Variants in ADAM17 observed in about 807,000 individuals in gnomAD.
ADAM17 encodes ADAM metallopeptidase domain 17, also known as disintegrin and metalloproteinase domain-containing protein 17.
In ADAM17, 39 loss-of-function variants were observed where a neutral mutation model predicts 96.7. The observed-to-expected ratio is 0.40, with a 90% CI of 0.31 to 0.53. The LOEUF (loss-of-function observed/expected upper bound fraction) is 0.53. Among genes scored for constraint, ADAM17 ranks in the 20% least tolerant of loss-of-function variants. The pLI is 0.44. For missense variants in ADAM17, 777 were observed against 1,013.2 expected, an observed-to-expected ratio of 0.77 and a Z score of 3.17; for synonymous variants, 344 against 359.2, an observed-to-expected ratio of 0.96 and a Z score of 0.48.
At chr2:9,525,756 A>G (rs1203019164) in intron 6 of ADAM17, among the ~76,000 whole-genome samples, 1 of 152,214 alleles carries the variant, frequency 6.6e-6, no homozygotes, top group African/African-American at 2.4e-5. Context: ...ACATGGGTTC[A>G]TGCAAATACA....
chr2:9,497,867 G>A (rs1001160469), intron 13 of ADAM17, among the ~76,000 whole-genome samples: 4 of 151,814 alleles, frequency 2.6e-5, no homozygotes, highest in South Asian at 2.1e-4. Context: ...CTCCTTCATT[G>A]CATATGTTTT....
Position 9,517,952 on chromosome 2 carries a change from C to G in ADAM17, c.1140G>C (p.Leu380Phe). 6.2e-7 allele frequency: 1 copy of G among 1,604,244 alleles called. No homozygotes were observed. Among genetic ancestry groups the G allele is most frequent in the Non-Finnish European group, 8.5e-7 (1 of 1,176,752 alleles). ...TCTTTGTGCTCGTCAAACCACTATTCAAATAGATATTTTTCTTCCCAACTG... is the reference window on the plus strand; with the variant it reads ...TCTTTGTGCTCGTCAAACCACTATTGAAATAGATATTTTTCTTCCCAACTG... ...YSPVGKKNIY[L>F]NSGLTSTKNY... is the part of the protein sequence containing the mutation. Residue 380 changes from leucine (L) to phenylalanine (F), a missense_variant, in exon 10 of 19, where the codon TTG (leucine) becomes TTC (phenylalanine). This residue lies in a region of ADAM17 where 446 missense variants were observed against 664.7 expected (regional missense o/e 0.67). Coordinates refer to ENST00000310823, the MANE Select transcript of ADAM17 (RefSeq NM_003183.6).
chr2:9,544,545 G>C (rs561777047), intron 1 of ADAM17, among the ~76,000 whole-genome samples: 47 of 141,492 alleles, frequency 3.3e-4, no homozygotes, highest in African/African-American at 1.3e-3. Flanking sequence ...AAAAAAGGCC[G>C]GGCTGGGCAC....
intron 11 of ADAM17, chr2:9,506,906 T>C (rs1416286451): frequency 6.6e-6 from 1 of 152,224 alleles, no homozygotes; most frequent in African/African-American, 2.4e-5. Context: ...CCCGCAACTC[T>C]GGCTTTCTGC....
chr2:9,545,442 C>T (rs550615038), intron 1 of ADAM17, among the ~76,000 whole-genome samples: 5 of 152,204 alleles, frequency 3.3e-5, no homozygotes, highest in South Asian at 2.1e-4. Context: ...TGGCAGCAGA[C>T]GCCTATAATC....
intron 1 of ADAM17, among the ~76,000 whole-genome samples, chr2:9,553,985 C>G (rs953563332): frequency 3.3e-5 from 5 of 151,514 alleles, no homozygotes; most frequent in Admixed American, 6.6e-5. Flanking sequence ...CTGCTTGAAC[C>G]CCGGGAGGCG....
intron 18 of ADAM17, 30 bp downstream of exon 18, chr2:9,491,071 G>A: frequency 6.2e-7 from 1 of 1,602,390 alleles, no homozygotes; most frequent in Non-Finnish European, 8.5e-7. Context: ...ACCAGGCGAA[G>A]ATTATGTTTC....
chr2:9,551,079 A>T (rs1665577811), intron 1 of ADAM17, among the ~76,000 whole-genome samples: 1 of 151,980 alleles, frequency 6.6e-6, no homozygotes, highest in Non-Finnish European at 1.5e-5. Flanking sequence ...TCTCAAAAAA[A>T]AAAAAAAGGT....
At chr2:9,513,274 G>A (rs1171983079) in intron 10 of ADAM17, among the ~76,000 whole-genome samples, 5 of 152,174 alleles carry the variant, frequency 3.3e-5, no homozygotes, top group African/African-American at 9.7e-5. Flanking sequence ...GATTACAGGC[G>A]TGAGCCACCG....
At chr2:9,535,322 T>C (rs567614902) in intron 4 of ADAM17, among the ~76,000 whole-genome samples, 1 of 152,346 alleles carries the variant, frequency 6.6e-6, no homozygotes, top group Admixed American at 6.5e-5. Context: ...ATCTGACAGA[T>C]AGATATGTGT....
intron 1 of ADAM17, among the ~76,000 whole-genome samples, chr2:9,549,678 T>C (rs1037209931): frequency 6.6e-6 from 1 of 152,040 alleles, no homozygotes; most frequent in Non-Finnish European, 1.5e-5. Flanking sequence ...CGCACCTGGC[T>C]AATTTTTGTT....
At position 9,555,489 on chromosome 2, in the gene ADAM17, C is replaced by CG; in HGVS notation, c.97+19_97+20insC. The CG allele has an allele frequency of 1.9e-6, 3 of 1,561,712 alleles. No homozygotes were observed. Among genetic ancestry groups the CG allele is most frequent in the Non-Finnish European group, 2.6e-6 (3 of 1,153,270 alleles). ...GAGCGCTCCAGGCGCCGGCCTAAGC[C>CG]AACTCCCCTGGGTCTTTACCGAGTC... On this transcript the variant is annotated intron_variant, in intron 1 of 18. Transcript: ENST00000310823.
At chr2:9,499,651 C>A (rs998695428) in intron 13 of ADAM17, among the ~76,000 whole-genome samples, 5 of 152,118 alleles carry the variant, frequency 3.3e-5, no homozygotes, top group Non-Finnish European at 7.4e-5. Context: ...ATCTGCCCAC[C>A]TCGGCCTCCC....
intron 8 of ADAM17, among the ~76,000 whole-genome samples, chr2:9,518,864 C>T (rs1187461329): frequency 6.7e-6 from 1 of 148,994 alleles, no homozygotes; most frequent in African/African-American, 2.5e-5. Flanking sequence ...CCATAACCGT[C>T]CAGCGTCTCC....
intron 12 of ADAM17, among the ~76,000 whole-genome samples, chr2:9,504,661 C>CT (rs1256085766): frequency 6.7e-6 from 1 of 149,036 alleles, no homozygotes; most frequent in Non-Finnish European, 1.5e-5. Context: ...ACTCAGGAGG[C>CT]TAAGGCAGGG....
At chr2:9,493,886 T>A in intron 15 of ADAM17, 61 bp from the exon 16 acceptor site, 1 of 1,421,278 alleles carries the variant, frequency 7.0e-7, no homozygotes, top group Non-Finnish European at 9.8e-7. Flanking sequence ...AGAAGCAATG[T>A]AGCTTTATAA....
chr2:9,514,201 C>G (rs1304046438), intron 10 of ADAM17, among the ~76,000 whole-genome samples: 1 of 151,582 alleles, frequency 6.6e-6, no homozygotes, highest in Non-Finnish European at 1.5e-5. Context: ...AGTTCATGTC[C>G]TTCGTAGGGA....
At chr2:9,495,483 C>A (rs1339511773) in intron 14 of ADAM17, among the ~76,000 whole-genome samples, 1 of 152,114 alleles carries the variant, frequency 6.6e-6, no homozygotes, top group Non-Finnish European at 1.5e-5. Context: ...GAGGCCAAGG[C>A]GGACAGATCA....
chr2:9,550,439 C>CTTTT (rs35602755), intron 1 of ADAM17, among the ~76,000 whole-genome samples: 159 of 74,136 alleles, frequency 2.1e-3, no homozygotes, highest in East Asian at 4.6e-3. Flanking sequence ...GATACTCATT[C>CTTTT]TTTTTTTTTT....
Sources: gnomAD v4.1 joint callset for allele counts (sites outside exome capture counted in the v4.1 genomes callset) on GRCh38, gnomAD v4.1.1 for gene constraint, gnomAD v4.1.1 regional missense constraint, MANE v1.5 for transcripts, NCBI Gene and HGNC (gene_info 2026-07-23, HGNC 2026-07-21) for gene names.